HBS1L: variants seen among roughly 807,000 people sequenced by gnomAD.
HBS1L encodes the protein HBS1-like protein.
Under a neutral mutation model 88.9 loss-of-function variants are expected in HBS1L, and 55 were observed. The observed-to-expected ratio is 0.62, with a 90% CI of 0.50 to 0.77. The LOEUF (loss-of-function observed/expected upper bound fraction) is 0.77. Among genes scored for constraint, HBS1L ranks in the 30% least tolerant of loss-of-function variants. HBS1L has a pLI of 0.00. For missense variants in HBS1L, 741 were observed against 829.3 expected (o/e 0.89, Z 1.31); for synonymous variants, 267 against 288.5 (o/e 0.93, Z 0.76).
At chr6:135,042,876 A>G (rs141010176) in intron 2 of HBS1L, among the ~76,000 whole-genome samples, 16 of 152,166 alleles carry the variant, frequency 1.1e-4, no homozygotes, top group Non-Finnish European at 2.1e-4. Flanking sequence ...TTTTGCCTGA[A>G]TCTAAGAGTT....
At chr6:135,037,938 T>G (rs1056707730) in intron 4 of HBS1L, 1 of 1,549,848 alleles carries the variant, frequency 6.5e-7, no homozygotes, top group African/African-American at 1.4e-5. Context: ...AATCAAAGGG[T>G]TTGCTACTAT....
intron 2 of HBS1L, among the ~76,000 whole-genome samples, chr6:135,043,574 A>G (rs1338042636): frequency 2.6e-5 from 4 of 152,234 alleles, no homozygotes; most frequent in Non-Finnish European, 5.9e-5. Flanking sequence ...GGCCTTACAG[A>G]TTAGAAGGGA....
At chr6:135,032,155 T>C (rs541146582) in intron 4 of HBS1L, among the ~76,000 whole-genome samples, 2 of 152,166 alleles carry the variant, frequency 1.3e-5, no homozygotes, top group South Asian at 4.1e-4. Flanking sequence ...AACCAGGTAG[T>C]TTGTTTTTTA....
chr6:135,040,431 A>G (rs557792261), intron 3 of HBS1L, among the ~76,000 whole-genome samples: 47 of 144,288 alleles, frequency 3.3e-4, no homozygotes, highest in African/African-American at 1.2e-3. Flanking sequence ...AGCTCACTGC[A>G]ACCTCCGTCT....
rs766744280 is a variant in HBS1L at position 134,961,203 on chromosome 6, T to C, written c.*4076A>G. 6.7e-5 allele frequency: 10 copies of C among 149,518 alleles called. No homozygotes were observed. The highest frequency in any genetic ancestry group is 1.0e-4 in the Non-Finnish European group (7 of 67,650). 9.3% of individuals were successfully genotyped at this position (149,518 alleles called of 1,614,324 possible). A position where few individuals can be genotyped will look rare whatever the true frequency, so the allele number is the denominator to read the frequency against. ...TGGGATTATCAGAGTAACAAAATAA[T>C]GTAGTCCCTTTATGGACTATAAGTA... On this transcript the variant is annotated 3_prime_UTR_variant, in exon 18 of 18. Transcript: ENST00000367837.
chr6:135,037,254 T>C, intron 4 of HBS1L: 1 of 1,552,026 alleles, frequency 6.4e-7, no homozygotes. Context: ...AACTGGCAGA[T>C]GACTGGTTAC....
intron 1 of HBS1L, among the ~76,000 whole-genome samples, chr6:135,053,045 C>A (rs1188205644): frequency 2.0e-5 from 3 of 152,162 alleles, no homozygotes; most frequent in Non-Finnish European, 4.4e-5. Context: ...GGATGAACCT[C>A]CTTAATGTTA....
chr6:135,009,925 C>T (rs915157315), intron 4 of HBS1L, among the ~76,000 whole-genome samples: 1 of 151,978 alleles, frequency 6.6e-6, no homozygotes, highest in Non-Finnish European at 1.5e-5. Flanking sequence ...CCACCGTGCC[C>T]GGCCTAAATA....
chr6:135,028,734 T>A (rs972037956), intron 4 of HBS1L, among the ~76,000 whole-genome samples: 3 of 152,092 alleles, frequency 2.0e-5, no homozygotes, highest in African/African-American at 7.2e-5. Context: ...ACTAGAACAA[T>A]ACTAGAAAAT....
At chr6:134,972,987 G>A (rs1213852541) in intron 15 of HBS1L, among the ~76,000 whole-genome samples, 1 of 152,190 alleles carries the variant, frequency 6.6e-6, no homozygotes, top group Non-Finnish European at 1.5e-5. Context: ...CTTATGCACT[G>A]CTGGTGGGAA....
chr6:135,010,534 T>C (rs1003408537), intron 4 of HBS1L, among the ~76,000 whole-genome samples: 4 of 152,182 alleles, frequency 2.6e-5, no homozygotes, highest in African/African-American at 9.7e-5. Flanking sequence ...TTAAAATGAT[T>C]TTAGGTGATA....
intron 3 of HBS1L, among the ~76,000 whole-genome samples, chr6:135,040,442 C>T (rs1193567692): frequency 1.3e-5 from 2 of 149,448 alleles, no homozygotes; most frequent in African/African-American, 2.5e-5. Context: ...ACCTCCGTCT[C>T]CCTGATTCAA....
chr6:134,997,918 A>T (rs1278640823), intron 5 of HBS1L, among the ~76,000 whole-genome samples: 2 of 152,224 alleles, frequency 1.3e-5, no homozygotes, highest in Non-Finnish European at 2.9e-5. Flanking sequence ...AATAACTGAA[A>T]TTCAAAATCA....
chr6:135,039,820 C>A (rs1714902772), intron 3 of HBS1L, 53 bp from the exon 4 acceptor site: 5 of 1,434,844 alleles, frequency 3.5e-6, no homozygotes, highest in Non-Finnish European at 2.8e-6. Context: ...AATGAAAGAA[C>A]TTTTAATCTT....
intron 4 of HBS1L, chr6:135,037,685 G>A (rs1776600118): frequency 5.2e-6 from 8 of 1,550,704 alleles, no homozygotes; most frequent in South Asian, 3.6e-5. Flanking sequence ...TCGGCATCTA[G>A]GTTCTTTGAA....
chr6:134,966,619 A>C lies in HBS1L; in HGVS notation c.1899-146T>G, dbSNP rs193037035. 64 of 564,916 alleles carry C rather than the reference A, an allele frequency of 1.1e-4. 3 individuals carry two copies. The highest frequency in any genetic ancestry group is 1.1e-3 in the African/African-American group (57 of 51,716). 35.0% of individuals were successfully genotyped at this position (564,916 alleles called of 1,614,324 possible). A position where few individuals can be genotyped will look rare whatever the true frequency, so the allele number is the denominator to read the frequency against. On this transcript the variant is annotated intron_variant, in intron 16 of 17. Transcript: ENST00000367837. ...AGAAAAATATTTTTTGAATGAAAAT[A>C]TATGTCTTTGGACTTTCTGCTTTAG...
chr6:135,053,249 C>T (rs897204844), intron 1 of HBS1L, among the ~76,000 whole-genome samples: 1 of 152,154 alleles, frequency 6.6e-6, no homozygotes, highest in African/African-American at 2.4e-5. Context: ...GTATCCCTCC[C>T]ATAGCGTTTT....
intron 12 of HBS1L, among the ~76,000 whole-genome samples, chr6:134,984,238 G>C (rs763402978): frequency 3.9e-5 from 6 of 152,154 alleles, no homozygotes; most frequent in Non-Finnish European, 5.9e-5. Context: ...AGCTAATAAT[G>C]ATAATGATAA....
chr6:134,960,890 C>T lies in HBS1L; in HGVS notation c.*4389G>A, dbSNP rs1774170835. 6.6e-6 allele frequency: 1 copy of T among 151,984 alleles called. No homozygotes were observed. Among genetic ancestry groups the T allele is most frequent in the African/African-American group, 2.4e-5 (1 of 41,386 alleles). 9.4% of individuals were successfully genotyped at this position (151,984 alleles called of 1,614,324 possible). On this transcript the variant is annotated 3_prime_UTR_variant, in exon 18 of 18. Transcript: ENST00000367837. ...TTTTGTCTCCCCAGTACATCTGTGC[C>T]CTTTCTTCTTTAAATCTATGGTTTT...
Sources: gnomAD v4.1 joint callset for allele counts (sites outside exome capture counted in the v4.1 genomes callset) on GRCh38, gnomAD v4.1.1 for gene constraint, MANE v1.5 for transcripts, NCBI Gene and HGNC (gene_info 2026-07-23, HGNC 2026-07-21) for gene names.